VPS13B: variants seen among roughly 807,000 people sequenced by gnomAD.
VPS13B encodes the protein vacuolar protein sorting 13 homolog B.
Under a neutral mutation model 426.4 loss-of-function variants are expected in VPS13B, and 285 were observed. The ratio of observed to expected loss-of-function variants is 0.67; its 90% CI spans 0.61 to 0.74. The LOEUF (loss-of-function observed/expected upper bound fraction) is 0.74. Among genes scored for constraint, VPS13B ranks in the 30% least tolerant of loss-of-function variants. The pLI is 0.00. For synonymous variants in VPS13B, 1,676 were observed against 1,676.4 expected, an observed-to-expected ratio of 1.00 and a Z score of 0.01; for missense variants, 4,537 against 4,782.6, an observed-to-expected ratio of 0.95 and a Z score of 1.51.
chr8:99,825,690 T>A (rs1814644513), intron 51 of VPS13B, among the ~76,000 whole-genome samples: 1 of 152,194 alleles, frequency 6.6e-6, no homozygotes, highest in African/African-American at 2.4e-5. Context: ...CTTCTAGGCT[T>A]TTTATGGTTT....
rs1040247909 is a variant in VPS13B at position 99,625,532 on chromosome 8, G to A, written c.5221-16279G>A. Among the ~76,000 whole-genome samples the A allele has an allele frequency of 9.2e-5, 14 of 151,718 alleles. No individual in the cohort carries two copies. In the East Asian group the frequency reaches 2.1e-3, roughly 23 times the overall value. ...GTTCAAGACCAGCCTGGGTAACATA[G>A]TGAGAACCTGTTTCCTATATGTTAA... On this transcript the variant is annotated intron_variant, in intron 33 of 61. Transcript: ENST00000357162.
intron 12 of VPS13B, among the ~76,000 whole-genome samples, chr8:99,137,250 CTTTTT>C (rs79136090): frequency 1.3e-5 from 2 of 148,450 alleles, no homozygotes; most frequent in African/African-American, 5.0e-5. Context: ...CATTTCAACA[CTTTTT>C]TTTTTACTTC....
At chr8:99,801,827 C>T (rs748135910) in intron 43 of VPS13B, among the ~76,000 whole-genome samples, 1 of 152,082 alleles carries the variant, frequency 6.6e-6, no homozygotes, top group Non-Finnish European at 1.5e-5. Flanking sequence ...TTATAGTAAA[C>T]ATTTAATAGC....
At chr8:99,273,716 AGAGCTTG>A (rs1818733787) in intron 17 of VPS13B, among the ~76,000 whole-genome samples, 4 of 88 alleles carry the variant, frequency 0.045, no homozygotes, top group South Asian at 0.38. Flanking sequence ...CCCGGGAGGC[AGAGCTTG>A]CAGAGCTTGC....
intron 19 of VPS13B, among the ~76,000 whole-genome samples, chr8:99,324,443 C>T (rs936802135): frequency 1.3e-5 from 2 of 152,132 alleles, no homozygotes; most frequent in Admixed American, 1.3e-4. Context: ...TGTTCCTCTT[C>T]CCATTTAATT....
chr8:99,215,236 C>T (rs529665069), intron 17 of VPS13B, among the ~76,000 whole-genome samples: 1 of 152,274 alleles, frequency 6.6e-6, no homozygotes, highest in East Asian at 1.9e-4. Context: ...TCTTATTTTG[C>T]CTGCCTGACA....
intron 51 of VPS13B, among the ~76,000 whole-genome samples, chr8:99,831,950 G>A (rs1243669521): frequency 6.6e-6 from 1 of 152,140 alleles, no homozygotes. Context: ...CATAGTTATA[G>A]ATGGTGTCTT....
chr8:99,526,008 G>A (rs1379436179), intron 30 of VPS13B, among the ~76,000 whole-genome samples: 1 of 151,062 alleles, frequency 6.6e-6, no homozygotes, highest in Non-Finnish European at 1.5e-5. Flanking sequence ...GTTTGAGTGA[G>A]ACATGGTTGT....
intron 17 of VPS13B, among the ~76,000 whole-genome samples, chr8:99,242,700 G>A (rs117064906): frequency 0.013 from 2,049 of 152,180 alleles, 20 homozygotes; most frequent in Non-Finnish European, 0.02. Context: ...TTATACTTGA[G>A]TTCTGACTTT....
At chr8:99,378,171 G>A (rs1813602711) in intron 19 of VPS13B, among the ~76,000 whole-genome samples, 1 of 123,594 alleles carries the variant, frequency 8.1e-6, no homozygotes, top group Non-Finnish European at 1.6e-5. Flanking sequence ...TCCCAAGGCT[G>A]TTAATTATTA....
intron 19 of VPS13B, chr8:99,341,645 G>T: frequency 3.6e-6 from 1 of 276,532 alleles, no homozygotes; most frequent in South Asian, 4.7e-5. Context: ...CTGTATTACA[G>T]TGTACGTGAT....
At chr8:99,666,008 G>C (rs905472592) in intron 35 of VPS13B, among the ~76,000 whole-genome samples, 3 of 152,084 alleles carry the variant, frequency 2.0e-5, no homozygotes, top group Non-Finnish European at 2.9e-5. Flanking sequence ...GCAGTGGTTT[G>C]TAGTTCTCCT....
chr8:99,095,646 A>T (rs189108009), intron 3 of VPS13B, among the ~76,000 whole-genome samples: 1 of 152,220 alleles, frequency 6.6e-6, no homozygotes, highest in African/African-American at 2.4e-5. Flanking sequence ...AAATCCAGCA[A>T]TTTGGCATGT....
intron 2 of VPS13B, among the ~76,000 whole-genome samples, chr8:99,019,733 T>G (rs1333252108): frequency 6.6e-6 from 1 of 152,214 alleles, no homozygotes. Context: ...GTGGAATCAT[T>G]CAGTGTTTGT....
At chr8:99,689,686 CAG>C (rs1190126155) in intron 35 of VPS13B, among the ~76,000 whole-genome samples, 5 of 152,124 alleles carry the variant, frequency 3.3e-5, no homozygotes, top group African/African-American at 1.2e-4. Context: ...AGCAAGCAGC[CAG>C]AGTTATAAAT....
intron 28 of VPS13B, among the ~76,000 whole-genome samples, chr8:99,508,360 A>G (rs73271318): frequency 0.017 from 2,587 of 152,310 alleles, 65 homozygotes; most frequent in African/African-American, 0.059. Flanking sequence ...TTGATTAGGT[A>G]GATGAACACA....
chr8:99,041,680 C>T (rs765217221), intron 3 of VPS13B, among the ~76,000 whole-genome samples: 2 of 152,028 alleles, frequency 1.3e-5, no homozygotes, highest in Non-Finnish European at 2.9e-5. Context: ...GGTGAAAACC[C>T]GTCCTTACTA....
At chr8:99,624,007 A>ATATATATATATATATT (rs1206203704) in intron 33 of VPS13B, among the ~76,000 whole-genome samples, 4 of 101,122 alleles carry the variant, frequency 4.0e-5, no homozygotes, top group African/African-American at 1.8e-4. Context: ...ATATATATAT[A>ATATATATATATATATT]TTTTTTTTTT....
At chr8:99,129,619 G>T (rs973177977) in intron 8 of VPS13B, among the ~76,000 whole-genome samples, 1 of 140,144 alleles carries the variant, frequency 7.1e-6, no homozygotes, top group African/African-American at 2.6e-5. Flanking sequence ...AGAAAAAAAA[G>T]ATATATTGTC....
Sources: allele counts gnomAD v4.1 joint callset (sites outside exome capture counted in the v4.1 genomes callset), GRCh38; gene constraint gnomAD v4.1.1; transcripts MANE v1.5; gene names NCBI Gene and HGNC (gene_info 2026-07-23, HGNC 2026-07-21).